TTN: variants seen among roughly 807,000 people sequenced by gnomAD.
TTN encodes titin.
A neutral mutation model predicts 3,223.0 loss-of-function variants in TTN; 1,525 were observed. The ratio of observed to expected loss-of-function variants is 0.47; its 90% CI spans 0.45 to 0.49. The LOEUF is 0.49. Ranked by LOEUF, TTN falls within the 20% of genes least tolerant of loss-of-function variation. TTN has a pLI of 0.00. For synonymous variants in TTN, 14,094 were observed against 15,161.0 expected, an observed-to-expected ratio of 0.93 and a Z score of 5.17; for missense variants, 40,786 against 43,424.0, an observed-to-expected ratio of 0.94 and a Z score of 5.40.
Position 178,580,629 on chromosome 2 carries a change from G to A in TTN, c.66770-20C>T. 1 of 1,584,476 alleles carries A rather than the reference G, an allele frequency of 6.3e-7. No individual in the cohort carries two copies. The highest frequency in any genetic ancestry group is 8.5e-7 in the Non-Finnish European group (1 of 1,171,400). On this transcript the variant is annotated intron_variant, in intron 316 of 362. Transcript: ENST00000589042. ...GTGGAACTGTTTAATTTTGGGTGAAGAAGTTAAATAAAAATTTAATAGTCA... is the reference window on the plus strand; with the variant it reads ...GTGGAACTGTTTAATTTTGGGTGAAAAAGTTAAATAAAAATTTAATAGTCA...
intron 111 of TTN, 148 bp from the exon 112 acceptor site, chr2:178,699,062 T>A: frequency 3.2e-6 from 3 of 926,508 alleles, no homozygotes; most frequent in Non-Finnish European, 4.7e-6. Context: ...ACAAGATATT[T>A]GTTTTGGAAA....
chr2:178,791,663 ATGTGTG>A (rs58282760), intron 10 of TTN, among the ~76,000 whole-genome samples: 115 of 147,482 alleles, frequency 7.8e-4, no homozygotes, highest in African/African-American at 2.7e-3. Context: ...GTATGTGTAT[ATGTGTG>A]TGTGTGTGTG....
At position 178,590,108 on chromosome 2, in the gene TTN, A is replaced by G; in HGVS notation, c.61617T>C (p.Ala20539=). The G allele has an allele frequency of 6.2e-7, 1 of 1,613,278 alleles. No individual in the cohort carries two copies. Among genetic ancestry groups the G allele is most frequent in the Non-Finnish European group, 8.5e-7 (1 of 1,179,496 alleles). The change falls in exon 304 of 363, where the codon GCT becomes GCC. Residue 20539 remains alanine (A), a synonymous_variant. Coordinates refer to ENST00000589042, the MANE Select transcript of TTN (RefSeq NM_001267550.2). ...TATACTTGCCATGATCAGCTCTAAC[A>G]GCTTCTTTAATTTGTAACTCAACAC... is the stretch of plus-strand genomic sequence containing the variant. The part of the protein sequence containing the change: ...LPRVELQIKE[A]VRADHGKYII...
chr2:178,604,815 T>C lies in TTN; in HGVS notation c.54274A>G (p.Asn18092Asp). ...TAATGGGTGATTTCACTGCCACCAT[T>C]ATCAAGAGGGGCATCCCATGTCAAG... Reference protein sequence around the residue: ...CYLTWDAPLDNGGSEITHYVI... With the variant: ...CYLTWDAPLDDGGSEITHYVI... Residue 18092 changes from asparagine (N) to aspartate (D), a missense_variant, in exon 281 of 363, where the codon AAT (asparagine) becomes GAT (aspartate). Asn to Asp is a conservative substitution (Grantham distance 23). Transcript: ENST00000589042. 2 of 1,612,522 alleles carry C rather than the reference T, an allele frequency of 1.2e-6. No homozygotes were observed. The highest frequency in any genetic ancestry group is 1.7e-6 in the Non-Finnish European group (2 of 1,179,064).
At position 178,604,221 on chromosome 2, in the gene TTN, C is replaced by G; in HGVS notation, c.54466G>C (p.Asp18156His). Residue 18156 changes from aspartate (D) to histidine (H), a missense_variant, in exon 282 of 363, where the codon GAT (aspartate) becomes CAT (histidine). Transcript: ENST00000589042. ...TAAGGATCTTGAATGACTACTTTATCTGATTTGCACTCATCACTGATTCCA... is the reference window on the plus strand; with the variant it reads ...TAAGGATCTTGAATGACTACTTTATGTGATTTGCACTCATCACTGATTCCA... ...KYGISDECKS[D>H]KVVIQDPYRL... 1 of 1,605,586 alleles carries G rather than the reference C, an allele frequency of 6.2e-7. No homozygotes were observed. Among genetic ancestry groups the G allele is most frequent in the Admixed American group, 1.7e-5 (1 of 59,308 alleles).
Position 178,777,327 on chromosome 2 carries a change from A to G in TTN, c.4646-10T>C. The G allele has an allele frequency of 1.2e-6, 2 of 1,613,740 alleles. No homozygotes were observed. Among genetic ancestry groups the G allele is most frequent in the Non-Finnish European group, 1.7e-6 (2 of 1,179,916 alleles). On this transcript the variant is annotated splice_polypyrimidine_tract_variant and intron_variant, in intron 26 of 362. Transcript: ENST00000589042. ...ACCTGATGTTCCACAGCTGAAAGAG[A>G]AAGGTCATGATTTAGAGGGAGTAAG... is the stretch of plus-strand genomic sequence containing the variant.
chr2:178,549,293 G>C lies in TTN; in HGVS notation c.92333C>G (p.Thr30778Arg), dbSNP rs201019681. The C allele has an allele frequency of 2.3e-4, 370 of 1,613,768 alleles. No homozygotes were observed. The highest frequency in any genetic ancestry group is 3.0e-4 in the Non-Finnish European group (352 of 1,179,838). Reference sequence around the variant, plus strand: ...TGTCAGACCAGTGACTTTGAATCTTGTTTCAGAGATTGGTCGTTTGCTGAT... The same window carrying C: ...TGTCAGACCAGTGACTTTGAATCTTCTTTCAGAGATTGGTCGTTTGCTGAT... ...KVISKRPISE[T>R]RFKVTGLTEG... Residue 30778 changes from threonine (T) to arginine (R), a missense_variant, in exon 339 of 363, where the codon ACA becomes AGA. Transcript: ENST00000589042.
In TTN at chr2:178,602,387, G is replaced by C. The variant is rs773396552; in HGVS notation, c.55015C>G (p.Leu18339Val). The C allele has an allele frequency of 6.2e-7, 1 of 1,612,832 alleles. No individual in the cohort carries two copies. Residue 18339 changes from leucine to valine, a missense_variant, in exon 283 of 363, where the codon CTG becomes GTG. Leu to Val is a conservative substitution (Grantham distance 32, BLOSUM62 1). Coordinates refer to ENST00000589042, the MANE Select transcript of TTN (RefSeq NM_001267550.2). Reference protein sequence around the residue: ...ITTCECVVPNLKELRKYRFRV... With the variant: ...ITTCECVVPNVKELRKYRFRV... ...AATCTGTACTTCCTGAGCTCTTTCAGATTAGGCACCACACATTCACAGGTA... is the reference window on the plus strand; with the variant it reads ...AATCTGTACTTCCTGAGCTCTTTCACATTAGGCACCACACATTCACAGGTA...
rs1252820791 is a variant in TTN, at chr2:178,611,165, C to A, written c.50964G>T (p.Trp16988Cys). 5 of 1,612,576 alleles carry A rather than the reference C, an allele frequency of 3.1e-6. No homozygotes were observed. The Admixed American group carries it at 8.3e-5, about 27-fold the overall frequency. ...FRAVPVPTVS[W>C]HKDGKEVKAS... ...CTTTAACTTCTTTGCCATCTTTATG[C>A]CAACTAACAGTTGGAACTGGGACAG... The change falls in exon 270 of 363, where the codon TGG becomes TGT. Residue 16988 changes from tryptophan (W) to cysteine (C), a missense_variant. Transcript: ENST00000589042.
At chr2:178,706,340 T>C in intron 102 of TTN, 114 bp downstream of exon 102, 1 of 1,132,858 alleles carries the variant, frequency 8.8e-7, no homozygotes, top group Non-Finnish European at 1.2e-6. Context: ...TGTTTATTTG[T>C]ATTTTTAAAT....
chr2:178,728,059 T>C, intron 67 of TTN, 51 bp downstream of exon 67: 1 of 1,497,396 alleles, frequency 6.7e-7, no homozygotes, highest in Non-Finnish European at 8.9e-7. Flanking sequence ...GAGTGATACA[T>C]TTAAGAAGCA....
Position 178,747,775 on chromosome 2 carries a change from T to C in TTN, c.11311+5349A>G, listed in dbSNP as rs781770560. 5.6e-6 allele frequency: 9 copies of C among 1,612,094 alleles called. No homozygotes were observed. The East Asian group carries it at 2.0e-4, about 36-fold the overall frequency. On this transcript the variant is annotated intron_variant, in intron 47 of 362. Transcript: ENST00000589042. The stretch of plus-strand genomic sequence containing the variant: ...AAAAACTAGTTTCTATCATTTCTCC[T>C]TCTAAAGTGGAGAAAGAAGCTTCAT...
chr2:178,694,801 T>G lies in TTN; in HGVS notation c.31348+28A>C, dbSNP rs553919800. The G allele has an allele frequency of 3.9e-6, 6 of 1,530,606 alleles. No individual in the cohort carries two copies. The South Asian group carries it at 7.2e-5, about 18-fold the overall frequency. 94.8% of individuals were successfully genotyped at this position (1,530,606 alleles called of 1,614,324 possible). A position where few individuals can be genotyped will look rare whatever the true frequency, so the allele number is the denominator to read the frequency against. ...TCAGTAAACATATTACTTGTGTACA[T>G]GGGTGCTAGGAATGTTTTAAATAAT... is the stretch of plus-strand genomic sequence containing the variant. On this transcript the variant is annotated intron_variant, in intron 116 of 362. Coordinates refer to ENST00000589042, the MANE Select transcript of TTN (RefSeq NM_001267550.2).
At chr2:178,698,416 T>C (rs1485212699) in intron 112 of TTN, among the ~76,000 whole-genome samples, 2 of 152,214 alleles carry the variant, frequency 1.3e-5, no homozygotes, top group Non-Finnish European at 2.9e-5. Context: ...TTTGAGGTGA[T>C]GGATATGTTA....
chr2:178,707,927 AG>A lies in TTN; in HGVS notation c.28754-115del, dbSNP rs2154293263. On this transcript the variant is annotated intron_variant, in intron 99 of 362. Coordinates refer to ENST00000589042, the MANE Select transcript of TTN (RefSeq NM_001267550.2). The stretch of plus-strand genomic sequence containing the variant: ...CTCTAACAGGTAACACTGTTGCTGT[AG>A]TAGGACAGAATTATGTGCCTGGTTT... 6 of 1,076,866 alleles carry A rather than the reference AG, an allele frequency of 5.6e-6. No homozygotes were observed. The South Asian group carries it at 6.8e-5, about 12-fold the overall frequency. 66.7% of individuals were successfully genotyped at this position (1,076,866 alleles called of 1,614,324 possible). A position where few individuals can be genotyped will look rare whatever the true frequency, so the allele number is the denominator to read the frequency against.
At position 178,579,166 on chromosome 2, in the gene TTN, T is replaced by C; in HGVS notation, c.67864A>G (p.Thr22622Ala). ...CCAGCAACATTCTTAAGTGTGATTG[T>C]GTATTTTCCAGCATCAGATTTTTGG... ...DCQKSDAGKY[T>A]ITLKNVAGTK... Residue 22622 changes from threonine to alanine, a missense_variant, in exon 320 of 363, where the codon ACA (threonine) becomes GCA (alanine). Coordinates refer to ENST00000589042, the MANE Select transcript of TTN (RefSeq NM_001267550.2). The C allele has an allele frequency of 1.2e-6, 2 of 1,613,404 alleles. No individual in the cohort carries two copies. Among genetic ancestry groups the C allele is most frequent in the African/African-American group, 1.3e-5 (1 of 75,002 alleles).
At position 178,717,527 on chromosome 2, in the gene TTN, G is replaced by C. The variant is rs1262718344; in HGVS notation, c.25347C>G (p.Leu8449=). ...GTASSSAKLI[L]SEHEVPPFFD... Reference sequence around the variant, plus strand: ...AGGGTACTGTGAGTTACTCACCTGAGAGAATGAGCTTGGCACTGGATGAAG... The same window carrying C: ...AGGGTACTGTGAGTTACTCACCTGACAGAATGAGCTTGGCACTGGATGAAG... The change falls in exon 87 of 363, where the codon CTC becomes CTG. Residue 8449 remains leucine, a synonymous_variant. Transcript: ENST00000589042. The C allele has an allele frequency of 1.9e-6, 3 of 1,599,490 alleles. No individual in the cohort carries two copies. Among genetic ancestry groups the C allele is most frequent in the Non-Finnish European group, 2.6e-6 (3 of 1,171,834 alleles).
At position 178,589,740 on chromosome 2, in the gene TTN, G is replaced by A. The variant is rs760241038; in HGVS notation, c.61985C>T (p.Ala20662Val). The change falls in exon 304 of 363, where the codon GCT becomes GTT. Residue 20662 changes from alanine to valine, a missense_variant. Transcript: ENST00000589042. The stretch of plus-strand genomic sequence containing the variant: ...ACCTGGTCTGTCAATAGGGTTAATA[G>A]CCAGAATGGGAGTTTTTGTTTCGAT... ...PTIETKTPIL[A>V]INPIDRPGEP... 1 of 1,613,552 alleles carries A rather than the reference G, an allele frequency of 6.2e-7. No individual in the cohort carries two copies. The highest frequency in any genetic ancestry group is 1.1e-5 in the South Asian group (1 of 91,072).
Position 178,592,142 on chromosome 2 carries a change from C to G in TTN, c.59762G>C (p.Ser19921Thr), listed in dbSNP as rs749120617. 2.5e-6 allele frequency: 4 copies of G among 1,612,776 alleles called. No homozygotes were observed. The African/African-American group carries it at 4.0e-5, about 16-fold the overall frequency. The change falls in exon 302 of 363, where the codon AGC (serine) becomes ACC (threonine). Residue 19921 changes from serine to threonine, a missense_variant. Physicochemically the swap from Ser to Thr is moderately conservative, Grantham distance 58. Transcript: ENST00000589042. ...AGCTGAGAGAGGTGACCACTGGGCG[C>G]TGGCAACATCTCTCCTCTCAACCAC... is the stretch of plus-strand genomic sequence containing the variant. Reference protein sequence around the residue: ...NYVVERRDVASAQWSPLSATS... With the variant: ...NYVVERRDVATAQWSPLSATS...
Sources: gnomAD v4.1 joint callset for allele counts (sites outside exome capture counted in the v4.1 genomes callset) on GRCh38, gnomAD v4.1.1 for gene constraint, MANE v1.5 for transcripts, NCBI Gene and HGNC (gene_info 2026-07-23, HGNC 2026-07-21) for gene names.